The following NEU3 variants were observed in gnomAD, a reference collection of about 807,000 sequenced individuals.
NEU3 encodes sialidase-3.
A neutral mutation model predicts 11.4 loss-of-function variants in NEU3; 10 were observed. The ratio of observed to expected loss-of-function variants is 0.88; its 90% CI spans 0.54 to 1.49. The LOEUF is 1.49. Ranked by LOEUF, NEU3 falls within the 40% of genes most tolerant of loss-of-function variation. The pLI, the probability that NEU3 is intolerant of heterozygous loss-of-function variation, is 0.00. For synonymous variants in NEU3, 212 were observed against 228.2 expected, an observed-to-expected ratio of 0.93 and a Z score of 0.64; for missense variants, 529 against 581.8, an observed-to-expected ratio of 0.91 and a Z score of 0.93.
intron 2 of NEU3, among the ~76,000 whole-genome samples, chr11:75,001,896 G>A (rs1948847558): frequency 6.6e-6 from 1 of 152,148 alleles, no homozygotes; most frequent in Admixed American, 6.5e-5. Context: ...GTGTGCTCAG[G>A]GCACTCAGGT....
rs1825157326 is a variant in NEU3 at position 74,997,124 on chromosome 11, T to C, written c.306+2404T>C. On this transcript the variant is annotated intron_variant, in intron 2 of 2. Transcript: ENST00000294064. The stretch of plus-strand genomic sequence containing the variant: ...CCAGACATTGACTTCTCTCTAGCCA[T>C]GAAAGTCCTAGATGGCATCTTTCAG... 2.0e-5 allele frequency among the ~76,000 whole-genome samples: 3 copies of C among 152,248 alleles called. No individual in the cohort carries two copies. In the South Asian group the frequency reaches 6.2e-4, roughly 32 times the overall value.
Position 74,989,102 on chromosome 11 carries a change from C to G in NEU3, c.42C>G (p.Ser14=). 6.4e-7 allele frequency: 1 copy of G among 1,550,904 alleles called. No individual in the cohort carries two copies. Among genetic ancestry groups the G allele is most frequent in the Non-Finnish European group, 8.7e-7 (1 of 1,146,900 alleles). The change falls in exon 1 of 3, where the codon TCC becomes TCG. Residue 14 remains serine (S), a synonymous_variant. Transcript: ENST00000294064. ...ADLPPRPMEE[S]PASSSAPTET... is the part of the protein sequence containing the mutation. ...TGCCCCCGCGCCCCATGGAAGAATC[C>G]CCGGCGTCCAGCTCTGCCCCGACAG...
chr11:75,005,678 C>A lies in NEU3; in HGVS notation c.572C>A (p.Thr191Lys). 1 of 1,614,024 alleles carries A rather than the reference C, an allele frequency of 6.2e-7. No homozygotes were observed. Among genetic ancestry groups the A allele is most frequent in the Middle Eastern group, 1.6e-4 (1 of 6,062 alleles). The change falls in exon 3 of 3, where the codon ACA becomes AAA. Residue 191 changes from threonine to lysine, a missense_variant. Physicochemically the swap from Thr to Lys is moderately conservative, Grantham distance 78. Coordinates refer to ENST00000294064, the MANE Select transcript of NEU3 (RefSeq NM_006656.6). ...GGCTCAGAGCTGAAGCACTGGGCCA[C>A]ATTTGCTGTGGGCCCAGGTCATGGC... ...VIGSELKHWA[T>K]FAVGPGHGIQ...
exon 4 of NEU3, chr11:75,018,835 T>G (rs1591767038): frequency 6.6e-6 from 1 of 152,402 alleles, no homozygotes; most frequent in Non-Finnish European, 1.5e-5. Flanking sequence ...GAGAAAAATG[T>G]GGAAAAGTTT....
chr11:75,019,424 C>T (rs934582336), downstream of NEU3, among the ~76,000 whole-genome samples: 3 of 152,226 alleles, frequency 2.0e-5, no homozygotes, highest in Admixed American at 1.3e-4. Flanking sequence ...GACTTGGTGT[C>T]TTGCGTCCCA....
exon 4 of NEU3, chr11:75,018,720 C>G (rs931375252): frequency 6.6e-6 from 1 of 152,056 alleles, no homozygotes; most frequent in Non-Finnish European, 1.5e-5. Context: ...TAAATTGGTA[C>G]CAGTAGAGTG....
chr11:74,998,170 C>G (rs1040779062), intron 2 of NEU3, among the ~76,000 whole-genome samples: 3 of 152,262 alleles, frequency 2.0e-5, no homozygotes, highest in Non-Finnish European at 4.4e-5. Flanking sequence ...ATCAAGTTCA[C>G]CATGTAATAT....
At chr11:74,985,177 A>G (rs889412783), upstream of NEU3, among the ~76,000 whole-genome samples, 1 of 152,168 alleles carries the variant, frequency 6.6e-6, no homozygotes, top group Non-Finnish European at 1.5e-5. Flanking sequence ...AGTCTGATAA[A>G]GAACCCCAGG....
the NEU3 span, among the ~76,000 whole-genome samples, chr11:74,980,709 A>T: frequency 6.6e-6 from 1 of 152,242 alleles, no homozygotes; most frequent in Non-Finnish European, 1.5e-5. Flanking sequence ...TTGTCTGTTA[A>T]TAAGGAACTG....
At chr11:75,002,116 T>C (rs1948850735) in intron 2 of NEU3, among the ~76,000 whole-genome samples, 1 of 152,192 alleles carries the variant, frequency 6.6e-6, no homozygotes, top group Admixed American at 6.6e-5. Flanking sequence ...AGTGCAGTGA[T>C]TGATCATAGC....
downstream of NEU3, among the ~76,000 whole-genome samples, chr11:75,020,006 A>T (rs1008336367): frequency 6.6e-6 from 1 of 152,214 alleles, no homozygotes; most frequent in Admixed American, 6.5e-5. Context: ...GCCCAAGAAC[A>T]TGGGAACCCA....
Position 74,994,695 on chromosome 11 carries a change from G to A in NEU3, c.281G>A (p.Gly94Glu). 6.2e-7 allele frequency: 1 copy of A among 1,614,034 alleles called. No homozygotes were observed. The change falls in exon 2 of 3, where the codon GGG (glycine) becomes GAG (glutamate). Residue 94 changes from glycine (G) to glutamate (E), a missense_variant. By Grantham distance (98) the Gly-to-Glu change is moderately conservative. Coordinates refer to ENST00000294064, the MANE Select transcript of NEU3 (RefSeq NM_006656.6). ...EDALHLVLRRGLRIGQLVQWG... is the reference protein window; with the variant it reads ...EDALHLVLRRELRIGQLVQWG... ...GCTCTCCACCTGGTGCTGAGGCGAG[G>A]GTTGAGGATTGGGCAGTTGGTACAG...
At chr11:74,983,141 G>A in the NEU3 span, among the ~76,000 whole-genome samples, 26 of 152,258 alleles carry the variant, frequency 1.7e-4, no homozygotes, top group Admixed American at 1.4e-3. Context: ...GGCCTTTCAC[G>A]GGCTGGTTTA....
intron 3 of NEU3, among the ~76,000 whole-genome samples, chr11:75,018,226 T>C (rs552589269): frequency 3.8e-4 from 58 of 152,214 alleles, no homozygotes; most frequent in African/African-American, 1.3e-3. Flanking sequence ...GGGCTTCAGA[T>C]GGAGATAAGG....
chr11:74,994,016 T>G (rs1352479163), intron 1 of NEU3, among the ~76,000 whole-genome samples: 1 of 151,132 alleles, frequency 6.6e-6, no homozygotes, highest in Non-Finnish European at 1.5e-5. Context: ...CCAGATCTAC[T>G]AGGAAAAAAA....
chr11:74,994,485 T>C, intron 1 of NEU3, 24 bp from the exon 2 acceptor site: 1 of 1,573,050 alleles, frequency 6.4e-7, no homozygotes, highest in African/African-American at 1.3e-5. Flanking sequence ...TGGACACACA[T>C]TAAGCTTCCT....
chr11:74,994,671 C>T lies in NEU3; in HGVS notation c.257C>T (p.Ala86Val). The T allele has an allele frequency of 6.2e-7, 1 of 1,614,002 alleles. No homozygotes were observed. The highest frequency in any genetic ancestry group is 8.5e-7 in the Non-Finnish European group (1 of 1,179,892). ...EKRSTRRDED[A>V]LHLVLRRGLR... is the part of the protein sequence containing the mutation. The stretch of plus-strand genomic sequence containing the variant: ...CGTTCTACGAGGAGAGATGAGGATG[C>T]TCTCCACCTGGTGCTGAGGCGAGGG... The change falls in exon 2 of 3, where the codon GCT (alanine) becomes GTT (valine). Residue 86 changes from alanine to valine, a missense_variant. Ala to Val is a moderately conservative substitution (Grantham distance 64, BLOSUM62 0). Coordinates refer to ENST00000294064, the MANE Select transcript of NEU3 (RefSeq NM_006656.6).
At chr11:75,011,794 G>T (rs1324466316), downstream of NEU3, among the ~76,000 whole-genome samples, 1 of 152,046 alleles carries the variant, frequency 6.6e-6, no homozygotes, top group Non-Finnish European at 1.5e-5. Context: ...AAACTTGTTA[G>T]TCACTACCTG....
intron 2 of NEU3, among the ~76,000 whole-genome samples, chr11:75,002,524 A>G (rs1948856285): frequency 1.3e-5 from 2 of 152,248 alleles, no homozygotes; most frequent in South Asian, 4.1e-4. Context: ...TAGCAAAGCA[A>G]AGAAGTATGT....
Sources: allele counts gnomAD v4.1 joint callset (sites outside exome capture counted in the v4.1 genomes callset), GRCh38; gene constraint gnomAD v4.1.1; transcripts MANE v1.5; gene names NCBI Gene and HGNC (gene_info 2026-07-23, HGNC 2026-07-21).